Variants in ANKRD42 observed in about 807,000 individuals in gnomAD.
ANKRD42 encodes the protein ankyrin repeat domain-containing protein 42.
A neutral mutation model predicts 51.5 loss-of-function variants in ANKRD42; 43 were observed. The ratio of observed to expected loss-of-function variants is 0.83; its 90% CI spans 0.65 to 1.08. The LOEUF (loss-of-function observed/expected upper bound fraction) is 1.08. Ranked by LOEUF, ANKRD42 falls within the 50% of genes least tolerant of loss-of-function variation. The pLI, the probability that ANKRD42 is intolerant of heterozygous loss-of-function variation, is 0.00. For synonymous variants in ANKRD42, 203 were observed against 213.0 expected (o/e 0.95, Z 0.41); for missense variants, 608 against 629.3 (o/e 0.97, Z 0.36).
At chr11:83,232,682 A>G (rs1863109553) in intron 7 of ANKRD42, among the ~76,000 whole-genome samples, 1 of 152,118 alleles carries the variant, frequency 6.6e-6, no homozygotes, top group Non-Finnish European at 1.5e-5. Context: ...TCTTAAAGGA[A>G]GTGCTTTCAT....
chr11:83,256,141 A>G (rs1002164184), downstream of ANKRD42: 11 of 372,168 alleles, frequency 3.0e-5, no homozygotes, highest in Non-Finnish European at 4.8e-5. Flanking sequence ...TTCTTCTTAT[A>G]TATCTCTACA....
intron 5 of ANKRD42, among the ~76,000 whole-genome samples, chr11:83,218,274 A>T (rs1862602753): frequency 6.6e-6 from 1 of 152,148 alleles, no homozygotes; most frequent in Non-Finnish European, 1.5e-5. Context: ...AATCTCCATG[A>T]TTTGAGTCAG....
intron 4 of ANKRD42, among the ~76,000 whole-genome samples, 189 bp downstream of exon 4, chr11:83,210,608 C>G (rs147472813): frequency 1.1e-4 from 16 of 152,302 alleles, no homozygotes; most frequent in African/African-American, 3.8e-4. Flanking sequence ...TCTCTTCCCC[C>G]CCAAAAACCA....
At chr11:83,202,605 C>T (rs1861914464) in intron 2 of ANKRD42, among the ~76,000 whole-genome samples, 1 of 152,148 alleles carries the variant, frequency 6.6e-6, no homozygotes, top group South Asian at 2.1e-4. Flanking sequence ...GTTTCATCTG[C>T]CTGTCTCATC....
intron 5 of ANKRD42, among the ~76,000 whole-genome samples, chr11:83,217,537 G>A (rs1434410425): frequency 6.6e-6 from 1 of 152,208 alleles, no homozygotes; most frequent in African/African-American, 2.4e-5. Context: ...TGAAGGCTGT[G>A]CCAGTGTCCA....
At chr11:83,224,736 A>G in intron 5 of ANKRD42, 119 bp from the exon 6 acceptor site, 1 of 740,438 alleles carries the variant, frequency 1.4e-6, no homozygotes, top group Non-Finnish European at 2.0e-6. Context: ...ATGAGCTATG[A>G]TTGTGCCACT....
At position 83,226,035 on chromosome 11, in the gene ANKRD42, G is replaced by A. The variant is rs566624706; in HGVS notation, c.787+980G>A. 1.3e-4 allele frequency among the ~76,000 whole-genome samples: 20 copies of A among 152,270 alleles called. No individual in the cohort carries two copies. The South Asian group carries it at 4.1e-3, about 32-fold the overall frequency. On this transcript the variant is annotated intron_variant, in intron 6 of 10. Coordinates refer to ENST00000533342, the MANE Select transcript of ANKRD42 (RefSeq NM_001300975.2). ...CTCCCCGCAAAGCACTGGGATTATA[G>A]GCATGGGCCACTGCATCCAGCCTGT...
intron 6 of ANKRD42, among the ~76,000 whole-genome samples, chr11:83,227,393 G>A (rs1008709752): frequency 8.5e-5 from 13 of 152,268 alleles, no homozygotes; most frequent in African/African-American, 7.2e-5. Context: ...GATTACAGGC[G>A]TGAGCCACCA....
chr11:83,207,996 A>G (rs1394374604), intron 3 of ANKRD42, among the ~76,000 whole-genome samples: 1 of 152,040 alleles, frequency 6.6e-6, no homozygotes, highest in East Asian at 1.9e-4. Flanking sequence ...CAACCCTGTG[A>G]TTACCTGGAA....
At chr11:83,233,054 G>A (rs1863126713) in intron 7 of ANKRD42, among the ~76,000 whole-genome samples, 2 of 152,044 alleles carry the variant, frequency 1.3e-5, no homozygotes, top group Non-Finnish European at 2.9e-5. Context: ...TTTTTGATGT[G>A]TCTTTGTCTG....
intron 2 of ANKRD42, among the ~76,000 whole-genome samples, chr11:83,203,477 C>T (rs1222356773): frequency 6.6e-6 from 1 of 151,056 alleles, no homozygotes; most frequent in Non-Finnish European, 1.5e-5. Flanking sequence ...GACTGCAACC[C>T]CTGCCTCCTG....
Position 83,206,108 on chromosome 11 carries a change from G to T in ANKRD42, c.273G>T (p.Thr91=), listed in dbSNP as rs141548812. Residue 91 remains threonine, a synonymous_variant, in exon 3 of 11, where the codon ACG becomes ACT. Transcript: ENST00000533342. ...WHGADITHVT[T]RGWTASHIAA... is the part of the protein sequence containing the mutation. ...GAGCTGATATCACACACGTAACAAC[G>T]AGAGGTTGGACAGCATCTCACATAG... 1 of 1,614,026 alleles carries T rather than the reference G, an allele frequency of 6.2e-7. No individual in the cohort carries two copies. Among genetic ancestry groups the T allele is most frequent in the Non-Finnish European group, 8.5e-7 (1 of 1,179,926 alleles).
At chr11:83,205,739 A>G (rs148151045) in intron 2 of ANKRD42, among the ~76,000 whole-genome samples, 8 of 152,236 alleles carry the variant, frequency 5.3e-5, no homozygotes, top group African/African-American at 1.9e-4. Context: ...CCTGCACAGT[A>G]TTGGTCAAAC....
intron 1 of ANKRD42, among the ~76,000 whole-genome samples, chr11:83,197,045 G>A (rs1164718009): frequency 6.6e-6 from 1 of 152,060 alleles, no homozygotes; most frequent in African/African-American, 2.4e-5. Context: ...ATGAAGGTCC[G>A]GCCTAGGGAT....
downstream of ANKRD42, among the ~76,000 whole-genome samples, chr11:83,256,916 C>G (rs749553778): frequency 3.9e-5 from 6 of 152,138 alleles, no homozygotes; most frequent in Non-Finnish European, 5.9e-5. Context: ...ACTACTTAAT[C>G]TCTTTATATA....
intron 5 of ANKRD42, chr11:83,214,489 A>C (rs1862453117): frequency 1.0e-6 from 1 of 978,874 alleles, no homozygotes; most frequent in African/African-American, 1.8e-5. Context: ...TGATTATTTT[A>C]TTTATAACCA....
At chr11:83,242,567 G>GTTTTTTTTTTGTTTGTTTGTTTTTTTTTT (rs770772334) in intron 9 of ANKRD42, among the ~76,000 whole-genome samples, 27 of 115,544 alleles carry the variant, frequency 2.3e-4, no homozygotes, top group African/African-American at 7.3e-4. Flanking sequence ...TGGTAGTTAA[G>GTTTTTTTTTTGTTTGTTTGTTTTTTTTTT]TTTTTTTTTT....
chr11:83,215,380 T>C (rs1862495427), intron 5 of ANKRD42, among the ~76,000 whole-genome samples: 2 of 152,148 alleles, frequency 1.3e-5, no homozygotes, highest in African/African-American at 4.8e-5. Context: ...AGGCAGCCTA[T>C]AGTTGGGTCA....
In ANKRD42 at chr11:83,224,342, A is replaced by G. The variant is rs1370906543; in HGVS notation, c.587-513A>G. ...TATATAATAAGCATTTTATCCTGTA[A>G]TTATAAACTGCATAATTGGGATTTC... On this transcript the variant is annotated intron_variant, in intron 5 of 10. Coordinates refer to ENST00000533342, the MANE Select transcript of ANKRD42 (RefSeq NM_001300975.2). Among the ~76,000 whole-genome samples the G allele has an allele frequency of 3.9e-5, 6 of 152,064 alleles. No individual in the cohort carries two copies. In the South Asian group the frequency reaches 1.2e-3, roughly 32 times the overall value.
Sources: allele counts gnomAD v4.1 joint callset (sites outside exome capture counted in the v4.1 genomes callset), GRCh38; gene constraint gnomAD v4.1.1; transcripts MANE v1.5; gene names NCBI Gene and HGNC (gene_info 2026-07-23, HGNC 2026-07-21).